The following KDR variants were observed in gnomAD, a reference collection of about 807,000 sequenced individuals.
KDR encodes vascular endothelial growth factor receptor 2.
Under a neutral mutation model 160.9 loss-of-function variants are expected in KDR, and 43 were observed. The observed-to-expected ratio is 0.27, with a 90% CI of 0.21 to 0.34. The LOEUF is 0.34. KDR is among the 10% of genes least tolerant of loss of function. KDR has a pLI of 1.00. For synonymous variants in KDR, 617 were observed against 600.1 expected, an observed-to-expected ratio of 1.03 and a Z score of -0.41; for missense variants, 1,469 against 1,666.4, an observed-to-expected ratio of 0.88 and a Z score of 2.06.
In KDR at chr4:55,082,095, CTATT is replaced by C. The variant is rs546089321; in HGVS notation, c.3763-58_3763-55del. The C allele has an allele frequency of 1.9e-3, 2,316 of 1,201,608 alleles. 1 individual carries two copies. The highest frequency in any genetic ancestry group is 3.3e-3 in the Admixed American group (195 of 59,422). 74.4% of individuals were successfully genotyped at this position (1,201,608 alleles called of 1,614,324 possible). A position where few individuals can be genotyped will look rare whatever the true frequency, so the allele number is the denominator to read the frequency against. ...TTAATTGAGCATATAAAATGACCAA[CTATT>C]TAATTAAGCTGATTTCTCAACCCAT... On this transcript the variant is annotated intron_variant, in intron 28 of 29. Transcript: ENST00000263923.
rs1468583071 is a variant in KDR, at chr4:55,125,137, G to A, written c.67+90C>T. The A allele has an allele frequency of 3.4e-6, 4 of 1,191,224 alleles. No homozygotes were observed. In the African/African-American group the frequency reaches 4.5e-5, roughly 13 times the overall value. 73.8% of individuals were successfully genotyped at this position (1,191,224 alleles called of 1,614,324 possible). On this transcript the variant is annotated intron_variant, in intron 1 of 29. Coordinates refer to ENST00000263923, the MANE Select transcript of KDR (RefSeq NM_002253.4). ...ATGTCAAGTCCTGTCCAACTCTCCAGCTCTACGATTCCGAGTTAGATCTGG... is the reference window on the plus strand; with the variant it reads ...ATGTCAAGTCCTGTCCAACTCTCCAACTCTACGATTCCGAGTTAGATCTGG...
intron 22 of KDR, chr4:55,092,292 A>T: frequency 2.7e-6 from 1 of 367,834 alleles, no homozygotes; most frequent in South Asian, 2.4e-5. Context: ...TATATTGCTT[A>T]TTGTTTGCTC....
intron 1 of KDR, among the ~76,000 whole-genome samples, chr4:55,122,327 C>T (rs1216971587): frequency 6.6e-6 from 1 of 152,044 alleles, no homozygotes; most frequent in Non-Finnish European, 1.5e-5. Context: ...AATATCAAGA[C>T]CTAGAAAATA....
chr4:55,114,392 C>T, intron 5 of KDR, 127 bp from the exon 6 acceptor site: 1 of 968,288 alleles, frequency 1.0e-6, no homozygotes, highest in Non-Finnish European at 1.6e-6. Context: ...CAGGCCTCAC[C>T]AATACTTGGT....
intron 27 of KDR, among the ~76,000 whole-genome samples, chr4:55,085,638 A>G (rs964627362): frequency 4.6e-5 from 7 of 152,246 alleles, no homozygotes; most frequent in African/African-American, 1.7e-4. Flanking sequence ...ATTTTATAGA[A>G]AGGAAAAAAG....
At chr4:55,114,816 C>T (rs1720691549) in intron 5 of KDR, 58 bp downstream of exon 5, 1 of 1,449,358 alleles carries the variant, frequency 6.9e-7, no homozygotes, top group Non-Finnish European at 9.7e-7. Flanking sequence ...GTTGTTATCT[C>T]CAAGATCTTA....
chr4:55,080,489 T>C (rs1436128105), intron 29 of KDR, among the ~76,000 whole-genome samples: 1 of 152,190 alleles, frequency 6.6e-6, no homozygotes, highest in Non-Finnish European at 1.5e-5. Context: ...GACAAATTTG[T>C]ATACAGTGAC....
At chr4:55,109,142 G>C (rs1029421164) in intron 9 of KDR, among the ~76,000 whole-genome samples, 12 of 151,960 alleles carry the variant, frequency 7.9e-5, no homozygotes, top group Admixed American at 4.6e-4. Context: ...GAGTACAATG[G>C]TGCGATCTCG....
At chr4:55,107,528 G>A (rs1179406787) in intron 10 of KDR, among the ~76,000 whole-genome samples, 1 of 152,174 alleles carries the variant, frequency 6.6e-6, no homozygotes, top group Non-Finnish European at 1.5e-5. Context: ...TAACAAGGCT[G>A]AGCTTAGCTA....
At chr4:55,100,137 A>T (rs1870379) in intron 15 of KDR, among the ~76,000 whole-genome samples, 2 of 152,214 alleles carry the variant, frequency 1.3e-5, no homozygotes, top group East Asian at 3.9e-4. Flanking sequence ...CCGGGCCACA[A>T]GCTGTGCGGA....
chr4:55,096,711 T>C (rs941800896), intron 18 of KDR: 2 of 321,984 alleles, frequency 6.2e-6, no homozygotes, highest in Admixed American at 9.1e-5. Context: ...CACTTCCTCA[T>C]AAGGAAGCAA....
In KDR at chr4:55,125,408, C is replaced by A; in HGVS notation, c.-115G>T. On this transcript the variant is annotated 5_prime_UTR_variant, in exon 1 of 30. Transcript: ENST00000263923. ...ACTCGCGGCACCCCGCAGCGCAGGA[C>A]AGTTGAGCGCACAGGGCTAGGGAGC... is the stretch of plus-strand genomic sequence containing the variant. 7.5e-7 allele frequency: 1 copy of A among 1,334,362 alleles called. No homozygotes were observed. Among genetic ancestry groups the A allele is most frequent in the Non-Finnish European group, 1.0e-6 (1 of 962,778 alleles). 82.7% of individuals were successfully genotyped at this position (1,334,362 alleles called of 1,614,324 possible).
chr4:55,085,231 C>G (rs1719832768), intron 27 of KDR, among the ~76,000 whole-genome samples: 1 of 152,180 alleles, frequency 6.6e-6, no homozygotes, highest in Non-Finnish European at 1.5e-5. Flanking sequence ...AGCTGGTCCA[C>G]AGGGGAAATT....
At chr4:55,119,133 CG>C (rs908925121) in intron 2 of KDR, among the ~76,000 whole-genome samples, 1 of 151,710 alleles carries the variant, frequency 6.6e-6, no homozygotes, top group African/African-American at 2.4e-5. Flanking sequence ...TGCTTGAACC[CG>C]GGAGGTGGAG....
chr4:55,089,643 G>C lies in KDR; in HGVS notation c.3304+48C>G, dbSNP rs780263291. 2.0e-6 allele frequency: 3 copies of C among 1,537,696 alleles called. No homozygotes were observed. In the Admixed American group the frequency reaches 5.0e-5, roughly 26 times the overall value. On this transcript the variant is annotated intron_variant, in intron 24 of 29. Transcript: ENST00000263923. ...TACAGGAGAGGAAAAGACAACTTTT[G>C]TCTTCCTCTTTGGAGTCTGGATGGA...
rs368229220 is a variant in KDR, at chr4:55,082,603, C to G, written c.3695G>C (p.Arg1232Pro). 8.1e-6 allele frequency: 13 copies of G among 1,613,752 alleles called. No individual in the cohort carries two copies. Among genetic ancestry groups the G allele is most frequent in the African/African-American group, 2.7e-5 (2 of 74,892 alleles). Residue 1232 changes from arginine to proline, a missense_variant, in exon 28 of 30, where the codon CGG becomes CCG. Coordinates refer to ENST00000263923, the MANE Select transcript of KDR (RefSeq NM_002253.4). ...QYLQNSKRKS[R>P]PVSVKTFEDI... ...TTCAAATGTTTTTACACTCACAGGC[C>G]GGCTCTTTCGCTTACTGTTCTGCAG... is the stretch of plus-strand genomic sequence containing the variant.
rs563595749 is a variant in KDR, at chr4:55,103,700, G to A, written c.1987+943C>T. On this transcript the variant is annotated intron_variant, in intron 13 of 29. Coordinates refer to ENST00000263923, the MANE Select transcript of KDR (RefSeq NM_002253.4). The stretch of plus-strand genomic sequence containing the variant: ...TGTCAGAAGGTGCCTCTTCAAATAC[G>A]CCAAGGCCTCTGATGAAGACGTTAC... Among the ~76,000 whole-genome samples the A allele has an allele frequency of 4.6e-5, 7 of 152,116 alleles. No homozygotes were observed. In the East Asian group the frequency reaches 7.7e-4, roughly 17 times the overall value.
At position 55,080,131 on chromosome 4, in the gene KDR, A is replaced by G. The variant is rs780820996; in HGVS notation, c.3881T>C (p.Val1294Ala). 15 of 1,613,780 alleles carry G rather than the reference A, an allele frequency of 9.3e-6. No homozygotes were observed. The highest frequency in any genetic ancestry group is 1.8e-4 in the Middle Eastern group (1 of 5,680). Residue 1294 changes from valine to alanine, a missense_variant, in exon 30 of 30, where the codon GTG (valine) becomes GCG (alanine). Transcript: ENST00000263923. ...GMVPSKSRES[V>A]ASEGSNQTSG... ...TGTCTGGTTTGAGCCTTCAGATGCC[A>G]CAGACTCCCTGCTTTTGCTGGGCAC...
At chr4:55,090,153 C>CAA in intron 22 of KDR, 75 bp from the exon 23 acceptor site, 1 of 1,509,458 alleles carries the variant, frequency 6.6e-7, no homozygotes, top group Non-Finnish European at 9.0e-7. Context: ...CCTCATGCAT[C>CAA]AAAAAAAAAT....
Sources: allele counts gnomAD v4.1 joint callset (sites outside exome capture counted in the v4.1 genomes callset), GRCh38; gene constraint gnomAD v4.1.1; transcripts MANE v1.5; gene names NCBI Gene and HGNC (gene_info 2026-07-23, HGNC 2026-07-21).